RBFOX2: variants seen among roughly 807,000 people sequenced by gnomAD.
RBFOX2 encodes RNA binding protein fox-1 homolog 2.
Under a neutral mutation model 49.1 loss-of-function variants are expected in RBFOX2, and 10 were observed. The ratio of observed to expected loss-of-function variants is 0.20; its 90% CI spans 0.13 to 0.35. The LOEUF (loss-of-function observed/expected upper bound fraction) is 0.35, where lower values mean the gene tolerates loss of function less well. Ranked by LOEUF, RBFOX2 falls within the 10% of genes least tolerant of loss-of-function variation. The probability of loss-of-function intolerance (pLI) is 1.00; values close to 1 mark genes in which losing one functional copy is unlikely to be tolerated. For missense variants in RBFOX2, 323 were observed against 486.9 expected (o/e 0.66, Z 3.17); for synonymous variants, 183 against 187.4 (o/e 0.98, Z 0.19).
intron 1 of RBFOX2, among the ~76,000 whole-genome samples, chr22:35,959,924 A>C (rs118187679): frequency 0.022 from 3,404 of 152,334 alleles, 46 homozygotes; most frequent in South Asian, 0.047. Flanking sequence ...CAGAGATTTT[A>C]AATCATCTCC....
chr22:35,860,839 T>C (rs2043019297), intron 1 of RBFOX2, among the ~76,000 whole-genome samples: 1 of 152,192 alleles, frequency 6.6e-6, no homozygotes, highest in African/African-American at 2.4e-5. Flanking sequence ...CTCCACTTCA[T>C]TCCACTATTC....
chr22:35,741,994 C>T (rs1418831778), exon 12 of RBFOX2: 1 of 152,202 alleles, frequency 6.6e-6, no homozygotes, highest in African/African-American at 2.4e-5. Flanking sequence ...TTTTTTTAGT[C>T]AGCTAAAGTT....
chr22:36,014,877 A>G (rs1216170289), intron 1 of RBFOX2, among the ~76,000 whole-genome samples: 1 of 152,200 alleles, frequency 6.6e-6, no homozygotes, highest in East Asian at 1.9e-4. Flanking sequence ...CACTTAACAC[A>G]CTTTAATGCT....
chr22:35,896,982 C>T (rs1046985587), intron 1 of RBFOX2, among the ~76,000 whole-genome samples: 122 of 152,236 alleles, frequency 8.0e-4, no homozygotes, highest in Non-Finnish European at 1.6e-3. Context: ...TCTCTAGTTA[C>T]ATGGCTCATG....
chr22:36,002,172 T>C (rs965894627), intron 1 of RBFOX2, among the ~76,000 whole-genome samples: 1 of 152,188 alleles, frequency 6.6e-6, no homozygotes, highest in African/African-American at 2.4e-5. Context: ...GGTAACATAA[T>C]AGAAAAATGT....
chr22:35,832,374 A>G (rs961278378), intron 1 of RBFOX2, among the ~76,000 whole-genome samples: 10 of 152,102 alleles, frequency 6.6e-5, no homozygotes, highest in Non-Finnish European at 1.2e-4. Context: ...CCCTGTCTCA[A>G]AAACAACAAA....
upstream of RBFOX2, among the ~76,000 whole-genome samples, chr22:35,842,986 TA>T (rs543248117): frequency 1.3e-5 from 2 of 151,890 alleles, no homozygotes; most frequent in East Asian, 1.9e-4. Flanking sequence ...GGTACAAGCT[TA>T]AAAAAAATGT....
At chr22:35,922,171 T>C (rs1346949316) in intron 1 of RBFOX2, among the ~76,000 whole-genome samples, 2 of 152,228 alleles carry the variant, frequency 1.3e-5, no homozygotes. Context: ...CATAATGATA[T>C]GTGAAATTTA....
At chr22:35,781,258 A>C (rs1427387374) in intron 3 of RBFOX2, among the ~76,000 whole-genome samples, 1 of 152,208 alleles carries the variant, frequency 6.6e-6, no homozygotes, top group Non-Finnish European at 1.5e-5. Context: ...TTGTTCTTGC[A>C]GATGAAACTA....
chr22:35,825,981 CAAAAAAAAAAAAAA>C (rs901630936), intron 1 of RBFOX2, among the ~76,000 whole-genome samples: 1 of 39,860 alleles, frequency 2.5e-5, no homozygotes, highest in African/African-American at 1.1e-4. Flanking sequence ...GACTCCGCTT[CAAAAAAAAAAAAAA>C]AAAAAAAAGG....
intron 1 of RBFOX2, among the ~76,000 whole-genome samples, chr22:35,976,963 CAAAA>C (rs199582145): frequency 1.7e-5 from 1 of 59,550 alleles, no homozygotes; most frequent in Non-Finnish European, 3.5e-5. Context: ...GACTCCGTCT[CAAAA>C]AAAAAAAAAA....
At chr22:35,998,082 G>C (rs546883090) in intron 1 of RBFOX2, 1 of 152,096 alleles carries the variant, frequency 6.6e-6, no homozygotes, top group Admixed American at 6.6e-5. Flanking sequence ...CTAACATTTT[G>C]CATCTCCCTC....
At chr22:35,877,431 A>ATTTC (rs1353387697) in intron 1 of RBFOX2, among the ~76,000 whole-genome samples, 3 of 152,196 alleles carry the variant, frequency 2.0e-5, no homozygotes, top group Admixed American at 2.0e-4. Flanking sequence ...TAAAGGAGAA[A>ATTTC]GAGACTTGGT....
chr22:35,979,933 T>C (rs2057376579), intron 1 of RBFOX2, among the ~76,000 whole-genome samples: 2 of 152,190 alleles, frequency 1.3e-5, no homozygotes. Flanking sequence ...ACGAAGTATG[T>C]GCCAATATCT....
At chr22:35,835,871 G>T (rs1295801554) in intron 1 of RBFOX2, among the ~76,000 whole-genome samples, 1 of 151,918 alleles carries the variant, frequency 6.6e-6, no homozygotes, top group African/African-American at 2.4e-5. Context: ...CCTCAGCGAA[G>T]AAATGATTAT....
At chr22:35,820,353 G>A (rs892240930) in intron 1 of RBFOX2, among the ~76,000 whole-genome samples, 1 of 152,166 alleles carries the variant, frequency 6.6e-6, no homozygotes, top group Non-Finnish European at 1.5e-5. Flanking sequence ...AAAACACCAC[G>A]TACTGTTTCA....
At chr22:35,873,918 T>C (rs2044683740) in intron 1 of RBFOX2, among the ~76,000 whole-genome samples, 1 of 151,846 alleles carries the variant, frequency 6.6e-6, no homozygotes, top group Admixed American at 6.6e-5. Context: ...TGGCCTCAAG[T>C]GCTCCACCCA....
intron 1 of RBFOX2, among the ~76,000 whole-genome samples, chr22:35,947,672 T>TAAAAAAAA (rs559788717): frequency 5.1e-3 from 172 of 33,744 alleles, no homozygotes; most frequent in African/African-American, 7.1e-3. Flanking sequence ...GTTTAAAAAG[T>TAAAAAAAA]AAAAAAAAAA....
At chr22:35,778,448 C>CT (rs1256846594) in intron 3 of RBFOX2, among the ~76,000 whole-genome samples, 1 of 151,738 alleles carries the variant, frequency 6.6e-6, no homozygotes, top group African/African-American at 2.4e-5. Context: ...TGTTACCCTC[C>CT]TTTTTTTTAC....
Sources: allele counts gnomAD v4.1 joint callset (sites outside exome capture counted in the v4.1 genomes callset), GRCh38; gene constraint gnomAD v4.1.1; transcripts MANE v1.5; gene names NCBI Gene and HGNC (gene_info 2026-07-23, HGNC 2026-07-21).